The following IL1RAPL1 variants were observed in gnomAD, a reference collection of about 807,000 sequenced individuals.
IL1RAPL1 encodes interleukin-1 receptor accessory protein-like 1.
Under a neutral mutation model 48.4 loss-of-function variants are expected in IL1RAPL1, and 3 were observed. That is an observed-to-expected ratio of 0.06 (90% CI 0.03 to 0.16). The LOEUF is 0.16. IL1RAPL1 is among the 10% of genes least tolerant of loss of function. The pLI is 1.00. For missense variants in IL1RAPL1, 349 were observed against 530.6 expected, an observed-to-expected ratio of 0.66 and a Z score of 3.36; for synonymous variants, 185 against 187.7, an observed-to-expected ratio of 0.99 and a Z score of 0.12.
rs59836290 is a variant in IL1RAPL1 at position 29,543,115 on chromosome X, T to TTCTCTCTCTCTCTCTCTCTCTC, written c.704-125302_704-125281dup. Among the ~76,000 whole-genome samples, 128 of 91,676 alleles carry TTCTCTCTCTCTCTCTCTCTCTC rather than the reference T, an allele frequency of 1.4e-3. 1 individual carries two copies. Among genetic ancestry groups the TTCTCTCTCTCTCTCTCTCTCTC allele is most frequent in the African/African-American group, 5.1e-3 (124 of 24,247 alleles). 79.6% of individuals were successfully genotyped at this position (91,676 alleles called of 115,157 possible). The stretch of plus-strand genomic sequence containing the variant: ...TGTTTGACCATAGCAATCTGTTCGT[T>TTCTCTCTCTCTCTCTCTCTCTC]TCTCTCTCTCTCTCTCTCTCTCTCT... On this transcript the variant is annotated intron_variant, in intron 5 of 10. Coordinates refer to ENST00000378993, the MANE Select transcript of IL1RAPL1 (RefSeq NM_014271.4).
Position 29,281,034 on chromosome X carries a change from A to T in IL1RAPL1, c.83-1904A>T, listed in dbSNP as rs769625427. 1.1e-4 allele frequency among the ~76,000 whole-genome samples: 12 copies of T among 112,045 alleles called. No individual in the cohort carries two copies. In the South Asian group the frequency reaches 3.7e-3, roughly 35 times the overall value. On this transcript the variant is annotated intron_variant, in intron 2 of 10. Coordinates refer to ENST00000378993, the MANE Select transcript of IL1RAPL1 (RefSeq NM_014271.4). The stretch of plus-strand genomic sequence containing the variant: ...GTTAGATATAATTTTAAGATAATAA[A>T]TGTGGATAATTAATTCCACGTTATT...
chrX:29,758,870 A>G (rs912815610), intron 6 of IL1RAPL1, among the ~76,000 whole-genome samples: 3 of 111,458 alleles, frequency 2.7e-5, no homozygotes, highest in African/African-American at 9.8e-5. Flanking sequence ...GTTGGTTATT[A>G]TTGAGAGTGC....
chrX:29,889,179 C>T (rs895140227), intron 6 of IL1RAPL1, among the ~76,000 whole-genome samples: 1 of 111,541 alleles, frequency 9.0e-6, no homozygotes, highest in Non-Finnish European at 1.9e-5. Context: ...ATTGAGGCTC[C>T]TTTATATTAT....
intron 1 of IL1RAPL1, among the ~76,000 whole-genome samples, chrX:28,778,212 T>C (rs1433655349): frequency 8.9e-6 from 1 of 112,361 alleles, no homozygotes; most frequent in Non-Finnish European, 1.9e-5. Flanking sequence ...ACAAACATCA[T>C]ATATTAGAGC....
At chrX:29,206,315 G>GT (rs1049861023) in intron 2 of IL1RAPL1, among the ~76,000 whole-genome samples, 4 of 109,701 alleles carry the variant, frequency 3.6e-5, no homozygotes, top group Admixed American at 9.8e-5. Context: ...TGTTAATTCT[G>GT]TTTTTTTTCA....
intron 3 of IL1RAPL1, among the ~76,000 whole-genome samples, chrX:29,367,552 TTTTA>T (rs35288881): frequency 0.083 from 8,139 of 98,056 alleles, 331 homozygotes; most frequent in East Asian, 0.11. Context: ...TTCTATTTAT[TTTTA>T]TTTATTTATT....
intron 6 of IL1RAPL1, among the ~76,000 whole-genome samples, chrX:29,757,107 A>T (rs188369523): frequency 7.7e-4 from 87 of 112,507 alleles, no homozygotes; most frequent in African/African-American, 2.4e-3. Flanking sequence ...ATGAGCCAAT[A>T]CATGTCTGTT....
At chrX:29,954,795 T>G (rs1292684961) in intron 10 of IL1RAPL1, 103 bp downstream of exon 10, 8 of 724,000 alleles carry the variant, frequency 1.1e-5, no homozygotes, top group Non-Finnish European at 1.7e-5. Flanking sequence ...ACTTCAAAAT[T>G]TGTATCTGTT....
chrX:28,731,022 A>G (rs1365952410), intron 1 of IL1RAPL1, among the ~76,000 whole-genome samples: 1 of 111,458 alleles, frequency 9.0e-6, no homozygotes, highest in African/African-American at 3.3e-5. Context: ...GCTCACTCCT[A>G]GAAAGATTAA....
chrX:28,990,237 C>A (rs775902171), intron 2 of IL1RAPL1, among the ~76,000 whole-genome samples: 1 of 112,006 alleles, frequency 8.9e-6, no homozygotes, highest in South Asian at 3.7e-4. Context: ...GCATTATATT[C>A]AAACTTTATC....
At chrX:28,650,201 A>T (rs1219819464) in intron 1 of IL1RAPL1, among the ~76,000 whole-genome samples, 1 of 111,825 alleles carries the variant, frequency 8.9e-6, no homozygotes, top group Non-Finnish European at 1.9e-5. Context: ...AGCTTGAATG[A>T]TAGTCATGGG....
At chrX:28,999,964 C>T (rs931151373) in intron 2 of IL1RAPL1, among the ~76,000 whole-genome samples, 5 of 111,576 alleles carry the variant, frequency 4.5e-5, no homozygotes, top group South Asian at 3.8e-4. Flanking sequence ...TCCCCGGCTC[C>T]TCCAGAGTAC....
At chrX:29,902,467 C>T (rs1932514428) in intron 6 of IL1RAPL1, among the ~76,000 whole-genome samples, 1 of 111,034 alleles carries the variant, frequency 9.0e-6, no homozygotes, top group Admixed American at 9.6e-5. Flanking sequence ...AAGATTTCCT[C>T]TCTATTCTAG....
At chrX:29,101,854 T>C (rs1365412939) in intron 2 of IL1RAPL1, among the ~76,000 whole-genome samples, 1 of 111,459 alleles carries the variant, frequency 9.0e-6, no homozygotes, top group African/African-American at 3.3e-5. Context: ...GGAGAATTGC[T>C]TGAACCCGGG....
chrX:28,772,087 C>G lies in IL1RAPL1; in HGVS notation c.-24-17233C>G, dbSNP rs377602485. Among the ~76,000 whole-genome samples the G allele has an allele frequency of 3.2e-4, 35 of 111,047 alleles. No homozygotes were observed. In the South Asian group the frequency reaches 0.012, roughly 39 times the overall value. ...TACTGACAACTATGGATTAAGAGCGCTTTCTACCCCTTTCTCTCGAAACAT... is the reference window on the plus strand; with the variant it reads ...TACTGACAACTATGGATTAAGAGCGGTTTCTACCCCTTTCTCTCGAAACAT... On this transcript the variant is annotated intron_variant, in intron 1 of 10. Coordinates refer to ENST00000378993, the MANE Select transcript of IL1RAPL1 (RefSeq NM_014271.4).
chrX:28,942,134 T>C (rs1282971879), intron 2 of IL1RAPL1: 1 of 109,929 alleles, frequency 9.1e-6, no homozygotes, highest in Non-Finnish European at 1.9e-5. Context: ...CGTAATGAAT[T>C]GCCATCGGGA....
At chrX:28,747,980 T>C (rs1935998620) in intron 1 of IL1RAPL1, among the ~76,000 whole-genome samples, 2 of 112,231 alleles carry the variant, frequency 1.8e-5, no homozygotes, top group African/African-American at 6.5e-5. Flanking sequence ...AATTTCTCTT[T>C]ACATATCTTC....
intron 1 of IL1RAPL1, among the ~76,000 whole-genome samples, chrX:28,659,676 A>G (rs891315966): frequency 1.8e-5 from 2 of 111,667 alleles, no homozygotes; most frequent in Non-Finnish European, 3.8e-5. Context: ...ATGTTATACT[A>G]TAGTTGTGTA....
chrX:29,072,117 C>T (rs1927577744), intron 2 of IL1RAPL1, among the ~76,000 whole-genome samples: 1 of 109,801 alleles, frequency 9.1e-6, no homozygotes, highest in Non-Finnish European at 1.9e-5. Flanking sequence ...CAATGATTCC[C>T]AGCAGGGCCA....
Sources: allele counts gnomAD v4.1 joint callset (sites outside exome capture counted in the v4.1 genomes callset), GRCh38; gene constraint gnomAD v4.1.1; transcripts MANE v1.5; gene names NCBI Gene and HGNC (gene_info 2026-07-23, HGNC 2026-07-21).